ABCA9: variants seen among roughly 807,000 people sequenced by gnomAD.
The protein encoded by ABCA9 is ATP binding cassette subfamily A member 9.
Under a neutral mutation model 205.3 loss-of-function variants are expected in ABCA9, and 183 were observed. The ratio of observed to expected loss-of-function variants is 0.89; its 90% confidence interval spans 0.79 to 1.01. The LOEUF (loss-of-function observed/expected upper bound fraction) is 1.01. Ranked by LOEUF, ABCA9 falls within the 50% of genes least tolerant of loss-of-function variation. The probability of loss-of-function intolerance (pLI) is 0.00; values close to 1 mark genes in which losing one functional copy is unlikely to be tolerated. For missense variants in ABCA9, 1,805 were observed against 1,912.4 expected, an observed-to-expected ratio of 0.94 and a Z score of 1.05; for synonymous variants, 651 against 683.3, an observed-to-expected ratio of 0.95 and a Z score of 0.74.
At position 68,975,757 on chromosome 17, in the gene ABCA9, C is replaced by T. The variant is rs11077860; in HGVS notation, c.*158G>A. Reference sequence around the variant, plus strand: ...GCCCTATGATCGCCCTCACTGACATCGCCTGTTGTCTCACTGTAAGAAATA... The same window carrying T: ...GCCCTATGATCGCCCTCACTGACATTGCCTGTTGTCTCACTGTAAGAAATA... On this transcript the variant is annotated 3_prime_UTR_variant, in exon 39 of 39. Transcript: ENST00000340001. 368,751 of 637,748 alleles carry T rather than the reference C, an allele frequency of 0.58. 113,742 individuals are homozygous for T. The highest frequency in any genetic ancestry group is 0.65 in the Non-Finnish European group (240,458 of 368,636). 39.5% of individuals were successfully genotyped at this position (637,748 alleles called of 1,614,324 possible).
intron 16 of ABCA9, among the ~76,000 whole-genome samples, chr17:69,025,276 T>C (rs1431784765): frequency 6.6e-6 from 1 of 152,178 alleles, no homozygotes; most frequent in Non-Finnish European, 1.5e-5. Flanking sequence ...TTACTGCTAT[T>C]ACATAAATGA....
upstream of ABCA9, chr17:69,061,291 A>C: frequency 3.7e-6 from 1 of 268,040 alleles, no homozygotes; most frequent in Non-Finnish European, 5.8e-6. Flanking sequence ...GCCAATCCAG[A>C]GAAGAGTAGA....
chr17:68,984,943 C>T lies in ABCA9; in HGVS notation c.4321G>A (p.Val1441Met). ...GTCGACGGCTCATCCAGAAGCACCA[C>T]TGACGGGTTCCCCAGGATGCTCAGC... is the stretch of plus-strand genomic sequence containing the variant. ...FVLSILGNPS[V>M]VLLDEPSTGM... The change falls in exon 34 of 39, where the codon GTG becomes ATG. Residue 1441 changes from valine to methionine, a missense_variant. Transcript: ENST00000340001. 6.2e-7 allele frequency: 1 copy of T among 1,614,206 alleles called. No homozygotes were observed. The highest frequency in any genetic ancestry group is 1.1e-5 in the South Asian group (1 of 91,080).
At chr17:68,987,316 TTAACCTTGCC>T (rs1341772984) in intron 31 of ABCA9, among the ~76,000 whole-genome samples, 2 of 152,224 alleles carry the variant, frequency 1.3e-5, no homozygotes, top group Non-Finnish European at 2.9e-5. Flanking sequence ...AGAGAGCTAG[TTAACCTTGCC>T]TCATTGAGCT....
At chr17:68,997,593 T>G (rs2069666301) in intron 25 of ABCA9, among the ~76,000 whole-genome samples, 1 of 121,768 alleles carries the variant, frequency 8.2e-6, no homozygotes, top group Non-Finnish European at 1.7e-5. Flanking sequence ...GTATTTTTTT[T>G]CTTTTTTTTT....
At chr17:69,044,989 A>G (rs1436678952) in intron 4 of ABCA9, among the ~76,000 whole-genome samples, 183 bp downstream of exon 4, 2 of 152,180 alleles carry the variant, frequency 1.3e-5, no homozygotes, top group African/African-American at 4.8e-5. Context: ...ATTTCTTAAT[A>G]AAACAATGTA....
intron 6 of ABCA9, among the ~76,000 whole-genome samples, chr17:69,037,682 A>T (rs1449132612): frequency 6.6e-6 from 1 of 152,150 alleles, no homozygotes; most frequent in Non-Finnish European, 1.5e-5. Context: ...AAACAAATTC[A>T]AAAGCTATCA....
At chr17:68,988,888 A>G (rs1219208668) in intron 31 of ABCA9, 139 bp downstream of exon 31, 5 of 543,608 alleles carry the variant, frequency 9.2e-6, no homozygotes, top group South Asian at 6.9e-5. Flanking sequence ...GGAATTAAGT[A>G]TATAAATTTT....
intron 25 of ABCA9, among the ~76,000 whole-genome samples, chr17:68,999,057 G>T (rs1437455102): frequency 6.6e-6 from 1 of 151,848 alleles, no homozygotes; most frequent in Non-Finnish European, 1.5e-5. Context: ...TCTTCTATTT[G>T]CTCTGATAAA....
chr17:69,022,071 A>C (rs1256111797), intron 17 of ABCA9: 2 of 283,704 alleles, frequency 7.0e-6, no homozygotes, highest in African/African-American at 4.4e-5. Flanking sequence ...TTATTTTTTC[A>C]CTCTTAGGAA....
At chr17:68,989,292 A>C (rs1455112626) in intron 30 of ABCA9, among the ~76,000 whole-genome samples, 174 bp from the exon 31 acceptor site, 1 of 149,146 alleles carries the variant, frequency 6.7e-6, no homozygotes, top group Admixed American at 6.6e-5. Context: ...ACACACACAC[A>C]CACCCCTGAG....
chr17:69,013,324 G>A (rs2070453450), intron 22 of ABCA9, among the ~76,000 whole-genome samples: 1 of 152,092 alleles, frequency 6.6e-6, no homozygotes, highest in Admixed American at 6.6e-5. Context: ...GGTATGATGA[G>A]TTTTGAAGTT....
chr17:69,000,630 GA>G (rs1217868252), intron 25 of ABCA9, among the ~76,000 whole-genome samples: 9 of 148,320 alleles, frequency 6.1e-5, no homozygotes, highest in Admixed American at 1.3e-4. Flanking sequence ...GGTTCCATAT[GA>G]ACTTTAAAGT....
In ABCA9 at chr17:69,035,381, C is replaced by G; in HGVS notation, c.993G>C (p.Thr331=). 4 of 1,604,376 alleles carry G rather than the reference C, an allele frequency of 2.5e-6. No individual in the cohort carries two copies. The highest frequency in any genetic ancestry group is 3.4e-6 in the Non-Finnish European group (4 of 1,175,232). Residue 331 remains threonine, a synonymous_variant, in exon 8 of 39, where the codon ACG becomes ACC. Coordinates refer to ENST00000340001, the MANE Select transcript of ABCA9 (RefSeq NM_080283.4). ...MSVLIKKPFL[T]GLVVFLLIVF... ...CAATAAGGAGAAACACAACCAAGCC[C>G]GTAAGGAAAGGTTTCTTTATCAACA...
At chr17:68,977,921 G>A (rs763142286) in intron 37 of ABCA9, among the ~76,000 whole-genome samples, 3 of 152,126 alleles carry the variant, frequency 2.0e-5, no homozygotes, top group Non-Finnish European at 4.4e-5. Flanking sequence ...GAGGTGGGAG[G>A]GAATGCTTTT....
upstream of ABCA9, among the ~76,000 whole-genome samples, chr17:69,063,926 T>C (rs1395472634): frequency 6.6e-6 from 1 of 152,246 alleles, no homozygotes; most frequent in Non-Finnish European, 1.5e-5. Context: ...TTGTGCTTTT[T>C]TTGCCTTGAA....
At chr17:69,047,684 G>T (rs2071764168) in intron 3 of ABCA9, among the ~76,000 whole-genome samples, 2 of 152,250 alleles carry the variant, frequency 1.3e-5, no homozygotes, top group South Asian at 4.1e-4. Context: ...CAAGGATTTT[G>T]TAAGTTCCTG....
chr17:68,984,797 T>C (rs2069173804), intron 34 of ABCA9, 88 bp downstream of exon 34: 5 of 1,558,216 alleles, frequency 3.2e-6, no homozygotes, highest in South Asian at 2.3e-5. Context: ...TACTGTGTCT[T>C]TTCCTTTCTA....
chr17:69,049,260 C>T lies in ABCA9; in HGVS notation c.304+23G>A, dbSNP rs748529241. On this transcript the variant is annotated intron_variant, in intron 3 of 38. Coordinates refer to ENST00000340001, the MANE Select transcript of ABCA9 (RefSeq NM_080283.4). ...GTGCCTTTTGCAAATAAGGAAATTA[C>T]TATGAACAACCAGGGAACATACCTT... 20 of 1,548,304 alleles carry T rather than the reference C, an allele frequency of 1.3e-5. 1 individual carries two copies. In the South Asian group the frequency reaches 1.5e-4, roughly 11 times the overall value.
Sources: allele counts gnomAD v4.1 joint callset (sites outside exome capture counted in the v4.1 genomes callset), GRCh38; gene constraint gnomAD v4.1.1; transcripts MANE v1.5; gene names NCBI Gene and HGNC (gene_info 2026-07-23, HGNC 2026-07-21).